The following C8orf74 variants were observed in gnomAD, a reference collection of about 807,000 sequenced individuals.
C8orf74 encodes the protein uncharacterized protein C8orf74.
C8orf74 carries 29 observed loss-of-function variants against 22.2 expected under a neutral mutation model. That is an observed-to-expected ratio of 1.31 (90% CI 0.97 to 1.78). The LOEUF is 1.78. Among genes scored for constraint, C8orf74 ranks in the 40% most tolerant of loss-of-function variants. The probability of loss-of-function intolerance (pLI) is 0.00; values close to 1 mark genes in which losing one functional copy is unlikely to be tolerated. For synonymous variants in C8orf74, 255 were observed against 163.1 expected (o/e 1.56, Z -4.30); for missense variants, 515 against 369.9 (o/e 1.39, Z -3.22).
intron 2 of C8orf74, chr8:10,689,299 G>C (rs1799325395): frequency 1.3e-5 from 2 of 152,218 alleles, no homozygotes; most frequent in Admixed American, 1.3e-4. Context: ...CATTTGTAGA[G>C]AAAAACGATT....
chr8:10,700,186 C>G (rs1268971605), intron 3 of C8orf74, 49 bp from the exon 4 acceptor site: 1 of 1,234,522 alleles, frequency 8.1e-7, no homozygotes, highest in Non-Finnish European at 1.1e-6. Flanking sequence ...AGAACTGGAT[C>G]CGGCGAGGCT....
chr8:10,687,849 G>C (rs1799293737), intron 2 of C8orf74, among the ~76,000 whole-genome samples: 1 of 151,998 alleles, frequency 6.6e-6, no homozygotes, highest in African/African-American at 2.4e-5. Flanking sequence ...TCTTCATCTT[G>C]ATATTTCTCA....
At chr8:10,690,886 G>A (rs1056695530) in intron 2 of C8orf74, 3 of 456,032 alleles carry the variant, frequency 6.6e-6, no homozygotes, top group African/African-American at 2.0e-5. Context: ...GCCTCCAGGG[G>A]CTTGGGGACC....
chr8:10,691,120 T>C, intron 2 of C8orf74: 2 of 364,770 alleles, frequency 5.5e-6, no homozygotes, highest in South Asian at 4.0e-5. Context: ...CAAGCTTTGC[T>C]GAAACCCAGA....
At chr8:10,685,897 G>A (rs1197438589) in intron 2 of C8orf74, among the ~76,000 whole-genome samples, 2 of 152,090 alleles carry the variant, frequency 1.3e-5, no homozygotes, top group Non-Finnish European at 2.9e-5. Context: ...GTGAAATCCT[G>A]TCTCTACTAA....
intron 2 of C8orf74, chr8:10,692,364 C>A (rs1799399162): frequency 6.6e-6 from 1 of 152,600 alleles, no homozygotes; most frequent in African/African-American, 2.4e-5. Context: ...CCTGGCTCCG[C>A]TCACCCCCTA....
intron 2 of C8orf74, among the ~76,000 whole-genome samples, chr8:10,694,497 A>T (rs1799447830): frequency 6.6e-6 from 1 of 152,156 alleles, no homozygotes; most frequent in Non-Finnish European, 1.5e-5. Flanking sequence ...GAAGGAGGGT[A>T]TGGTAATCCA....
chr8:10,688,086 T>A (rs548350553), intron 2 of C8orf74, among the ~76,000 whole-genome samples: 83 of 152,048 alleles, frequency 5.5e-4, no homozygotes, highest in African/African-American at 2.0e-3. Context: ...ACACCTGTAG[T>A]TCCACCTACT....
chr8:10,691,394 G>C (rs1367811771), intron 2 of C8orf74: 1 of 161,286 alleles, frequency 6.2e-6, no homozygotes, highest in African/African-American at 2.4e-5. Flanking sequence ...GAACAGAAGG[G>C]CTCAGAGGCT....
chr8:10,700,477 C>A lies in C8orf74; in HGVS notation c.*6C>A. The stretch of plus-strand genomic sequence containing the variant: ...AAGCGAAGGCAAGGAAGTAGAAGGT[C>A]CCGACTGCCACACGAGACTGACTGG... On this transcript the variant is annotated 3_prime_UTR_variant, in exon 4 of 4. Coordinates refer to ENST00000304519, the MANE Select transcript of C8orf74 (RefSeq NM_001040032.2). The A allele has an allele frequency of 1.3e-6, 2 of 1,538,888 alleles. No homozygotes were observed. Among genetic ancestry groups the A allele is most frequent in the Non-Finnish European group, 1.8e-6 (2 of 1,137,862 alleles).
intron 2 of C8orf74, among the ~76,000 whole-genome samples, chr8:10,694,077 C>T (rs754341222): frequency 7.2e-5 from 11 of 152,198 alleles, no homozygotes; most frequent in Non-Finnish European, 1.3e-4. Context: ...GGATGCAGCT[C>T]ACACATCGCC....
chr8:10,700,312 G>A lies in C8orf74; in HGVS notation c.726G>A (p.Gln242=). Residue 242 remains glutamine (Q), a synonymous_variant, in exon 4 of 4, where the codon CAG becomes CAA. Transcript: ENST00000304519. ...LLQELLQRQI[Q]NTFAILDLKL... is the part of the protein sequence containing the mutation. ...AGGAGCTGCTGCAGCGCCAGATCCA[G>A]AACACATTCGCCATCTTGGACCTGA... The A allele has an allele frequency of 6.2e-7, 1 of 1,613,886 alleles. No individual in the cohort carries two copies. The highest frequency in any genetic ancestry group is 2.2e-5 in the East Asian group (1 of 44,866).
chr8:10,682,320 A>T (rs570194966), intron 2 of C8orf74, among the ~76,000 whole-genome samples: 5 of 152,288 alleles, frequency 3.3e-5, no homozygotes, highest in African/African-American at 1.2e-4. Context: ...CCTTTTGTAG[A>T]TGCCTCCGTG....
intron 2 of C8orf74, among the ~76,000 whole-genome samples, chr8:10,685,174 T>C (rs1799236289): frequency 1.3e-5 from 2 of 152,212 alleles, no homozygotes; most frequent in African/African-American, 4.8e-5. Context: ...CAGTTAAGGG[T>C]GGACTACTGT....
At chr8:10,696,252 G>T (rs1799495101) in intron 2 of C8orf74, among the ~76,000 whole-genome samples, 1 of 151,954 alleles carries the variant, frequency 6.6e-6, no homozygotes, top group Non-Finnish European at 1.5e-5. Flanking sequence ...GAGGAGGAGA[G>T]AAGTGGGGAG....
chr8:10,681,952 C>A (rs1460392976), intron 2 of C8orf74, among the ~76,000 whole-genome samples: 2 of 152,208 alleles, frequency 1.3e-5, no homozygotes, highest in African/African-American at 4.8e-5. Context: ...AGACACCTGC[C>A]CACAGCAGCC....
chr8:10,687,770 CA>C (rs1386781438), intron 2 of C8orf74, among the ~76,000 whole-genome samples: 24 of 152,190 alleles, frequency 1.6e-4, no homozygotes, highest in Middle Eastern at 3.4e-3. Flanking sequence ...TTTTCAGGGT[CA>C]CCATCTTCTT....
chr8:10,690,860 A>G (rs60900921), intron 2 of C8orf74: 1 of 454,966 alleles, frequency 2.2e-6, no homozygotes, highest in Non-Finnish European at 4.4e-6. Flanking sequence ...CGTGCTGCAT[A>G]TCCTCGCAGG....
chr8:10,688,633 AAG>A (rs1799311332), intron 2 of C8orf74: 6 of 152,454 alleles, frequency 3.9e-5, no homozygotes, highest in Non-Finnish European at 5.9e-5. Context: ...CTTGGTGCCC[AAG>A]TCACAGGGCA....
Sources: gnomAD v4.1 joint callset for allele counts (sites outside exome capture counted in the v4.1 genomes callset) on GRCh38, gnomAD v4.1.1 for gene constraint, MANE v1.5 for transcripts, NCBI Gene and HGNC (gene_info 2026-07-23, HGNC 2026-07-21) for gene names.